Variants in ABL2 observed in about 807,000 individuals in gnomAD.
ABL2 encodes the protein ABL proto-oncogene 2, non-receptor tyrosine kinase, also known as tyrosine-protein kinase ABL2.
ABL2 carries 49 observed loss-of-function variants against 107.7 expected under a neutral mutation model. The observed-to-expected ratio is 0.45, with a 90% CI of 0.36 to 0.58. ABL2 has a LOEUF of 0.58. Ranked by LOEUF, ABL2 falls within the 20% of genes least tolerant of loss-of-function variation. The probability of loss-of-function intolerance (pLI) is 0.00; values close to 1 mark genes in which losing one functional copy is unlikely to be tolerated. For synonymous variants in ABL2, 549 were observed against 548.6 expected, an observed-to-expected ratio of 1.00 and a Z score of -0.01; for missense variants, 1,245 against 1,457.0, an observed-to-expected ratio of 0.85 and a Z score of 2.37.
At chr1:179,220,721 T>C (rs1257833811) in intron 1 of ABL2, among the ~76,000 whole-genome samples, 1 of 152,246 alleles carries the variant, frequency 6.6e-6, no homozygotes, top group Non-Finnish European at 1.5e-5. Flanking sequence ...TGGTTTTCAG[T>C]AGCATTATTT....
At chr1:179,150,866 T>C (rs567508231) in intron 1 of ABL2, among the ~76,000 whole-genome samples, 48 of 152,190 alleles carry the variant, frequency 3.2e-4, no homozygotes, top group African/African-American at 1.0e-3. Flanking sequence ...CCACCCCAAC[T>C]TCCCAACTTC....
intron 1 of ABL2, among the ~76,000 whole-genome samples, chr1:179,139,721 G>A (rs957587736): frequency 3.3e-5 from 5 of 152,120 alleles, no homozygotes; most frequent in Admixed American, 1.3e-4. Context: ...ACAGCAGCAG[G>A]TGAGCAGCGG....
intron 1 of ABL2, among the ~76,000 whole-genome samples, chr1:179,191,490 G>A (rs1372894171): frequency 3.6e-5 from 5 of 139,396 alleles, no homozygotes; most frequent in East Asian, 2.2e-4. Flanking sequence ...GCACAATCTC[G>A]GCTCACTGCA....
chr1:179,122,057 G>A lies in ABL2; in HGVS notation c.688-190C>T, dbSNP rs540688000. On this transcript the variant is annotated intron_variant, in intron 4 of 11. Coordinates refer to ENST00000502732, the MANE Select transcript of ABL2 (RefSeq NM_007314.4). ...TCTCCTGCCTCAGCCTCTCTGAGTA[G>A]GTGGGACTATAGGCGCCCGCCACCA... 4.0e-5 allele frequency among the ~76,000 whole-genome samples: 6 copies of A among 150,818 alleles called. No individual in the cohort carries two copies. In the Admixed American group the frequency reaches 4.0e-4, roughly 10 times the overall value.
chr1:179,181,737 C>A (rs553038700), intron 1 of ABL2, among the ~76,000 whole-genome samples: 1 of 152,160 alleles, frequency 6.6e-6, no homozygotes, highest in South Asian at 2.1e-4. Flanking sequence ...GATCTCCCAT[C>A]TACTGACCGC....
intron 1 of ABL2, among the ~76,000 whole-genome samples, chr1:179,156,056 T>C (rs1008622420): frequency 2.0e-5 from 3 of 152,232 alleles, no homozygotes; most frequent in African/African-American, 4.8e-5. Context: ...CACTGTACTG[T>C]AGATAATGTA....
chr1:179,114,334 T>C (rs10913695), intron 9 of ABL2, among the ~76,000 whole-genome samples: 1 of 151,714 alleles, frequency 6.6e-6, no homozygotes, highest in Non-Finnish European at 1.5e-5. Context: ...CTTGAACCCA[T>C]GAGGTAGAGG....
intron 1 of ABL2, among the ~76,000 whole-genome samples, chr1:179,192,019 A>G (rs1661053713): frequency 6.6e-6 from 1 of 152,222 alleles, no homozygotes; most frequent in African/African-American, 2.4e-5. Flanking sequence ...CAAAGTATAA[A>G]GCAGAAGAGT....
chr1:179,229,364 G>T lies in ABL2; in HGVS notation c.34C>A (p.Pro12Thr), dbSNP rs866229451. The change falls in exon 1 of 12, where the codon CCG becomes ACG. Residue 12 changes from proline (P) to threonine (T), a missense_variant. Physicochemically the swap from Pro to Thr is conservative, Grantham distance 38 (BLOSUM62 -1). Coordinates refer to ENST00000502732, the MANE Select transcript of ABL2 (RefSeq NM_007314.4). ...CGGGGCTGAGGCTGCTGGAGCCCCG[G>T]AGCTTCCCCGACGCGGCCCACCTGC... Reference protein sequence around the residue: ...GQQVGRVGEAPGLQQPQPRGI... With the variant: ...GQQVGRVGEATGLQQPQPRGI... The T allele has an allele frequency of 1.3e-6, 2 of 1,572,128 alleles. No homozygotes were observed.
chr1:179,122,556 C>T (rs1655325654), intron 4 of ABL2, among the ~76,000 whole-genome samples: 1 of 152,042 alleles, frequency 6.6e-6, no homozygotes, highest in Non-Finnish European at 1.5e-5. Context: ...TCCAAGATCT[C>T]TCTCTGGATA....
At chr1:179,228,196 A>G (rs961345784) in intron 1 of ABL2, among the ~76,000 whole-genome samples, 11 of 151,306 alleles carry the variant, frequency 7.3e-5, no homozygotes, top group Non-Finnish European at 2.9e-5. Flanking sequence ...AAAATACAAA[A>G]ATTAGCCGGG....
chr1:179,104,037 G>GT lies in ABL2; in HGVS notation c.*3680dup, dbSNP rs1013780311. 37 of 232,980 alleles carry GT rather than the reference G, an allele frequency of 1.6e-4. No homozygotes were observed. Among genetic ancestry groups the GT allele is most frequent in the Middle Eastern group, 1.3e-3 (1 of 786 alleles). 14.4% of individuals were successfully genotyped at this position (232,980 alleles called of 1,614,324 possible). Reference sequence around the variant, plus strand: ...GATCTGGAGTGGGGCTATTCCGTCAGTTTTTTTTGTTTGTTTTGTTTTGTT... The same window carrying GT: ...GATCTGGAGTGGGGCTATTCCGTCAGTTTTTTTTTGTTTGTTTTGTTTTGTT... On this transcript the variant is annotated 3_prime_UTR_variant, in exon 12 of 12. Transcript: ENST00000502732.
intron 3 of ABL2, among the ~76,000 whole-genome samples, chr1:179,128,922 C>T (rs748550257): frequency 6.6e-6 from 1 of 151,964 alleles, no homozygotes; most frequent in Non-Finnish European, 1.5e-5. Context: ...TAGGCTCACG[C>T]AATCCTCCTG....
At chr1:179,191,267 A>G (rs1400354119) in intron 1 of ABL2, among the ~76,000 whole-genome samples, 1 of 152,204 alleles carries the variant, frequency 6.6e-6, no homozygotes, top group African/African-American at 2.4e-5. Context: ...AAGAATAAGC[A>G]CTGATTTCTG....
intron 1 of ABL2, among the ~76,000 whole-genome samples, chr1:179,204,661 C>T (rs1196260812): frequency 2.6e-5 from 4 of 152,022 alleles, no homozygotes; most frequent in Non-Finnish European, 4.4e-5. Flanking sequence ...GCATGAGAAT[C>T]GCTTGAACCT....
intron 6 of ABL2, 138 bp downstream of exon 6, chr1:179,120,052 C>T (rs1392162613): frequency 1.5e-5 from 8 of 519,534 alleles, no homozygotes; most frequent in South Asian, 1.3e-4. Context: ...GGAAGTATCA[C>T]GTCAACAGCA....
chr1:179,148,207 T>C (rs1658136374), intron 1 of ABL2, among the ~76,000 whole-genome samples: 1 of 151,842 alleles, frequency 6.6e-6, no homozygotes, highest in Non-Finnish European at 1.5e-5. Flanking sequence ...CCCGGCTAAT[T>C]TTTGTATTTT....
Position 179,198,051 on chromosome 1 carries a change from T to C in ABL2, c.157+31190A>G, listed in dbSNP as rs1260703904. On this transcript the variant is annotated intron_variant, in intron 1 of 11. Transcript: ENST00000502732. ...TAGCTGGCGTGGTGGCACACGTCTA[T>C]AGTCCCGGCTACTTGACAGGCTGAA... 2.6e-5 allele frequency among the ~76,000 whole-genome samples: 4 copies of C among 151,298 alleles called. No individual in the cohort carries two copies. The East Asian group carries it at 7.8e-4, about 30-fold the overall frequency.
chr1:179,229,175 C>A, intron 1 of ABL2, 66 bp downstream of exon 1: 1 of 321,446 alleles, frequency 3.1e-6, no homozygotes, highest in Non-Finnish European at 6.3e-6. Context: ...CGTCCGCCAC[C>A]CACCCCGCCC....
Sources: allele counts gnomAD v4.1 joint callset (sites outside exome capture counted in the v4.1 genomes callset), GRCh38; gene constraint gnomAD v4.1.1; transcripts MANE v1.5; gene names NCBI Gene and HGNC (gene_info 2026-07-23, HGNC 2026-07-21).